The following KIAA1549L variants were observed in gnomAD, a reference collection of about 807,000 sequenced individuals.
The protein encoded by KIAA1549L is KIAA1549 like, also known as UPF0606 protein KIAA1549L.
Under a neutral mutation model 160.7 loss-of-function variants are expected in KIAA1549L, and 88 were observed. The observed-to-expected ratio is 0.55, with a 90% CI of 0.46 to 0.65. KIAA1549L has a LOEUF of 0.65. Ranked by LOEUF, KIAA1549L falls within the 30% of genes least tolerant of loss-of-function variation. The probability of loss-of-function intolerance (pLI) is 0.00; values close to 1 mark genes in which losing one functional copy is unlikely to be tolerated. For synonymous variants in KIAA1549L, 950 were observed against 976.7 expected (o/e 0.97, Z 0.51); for missense variants, 2,258 against 2,437.5 (o/e 0.93, Z 1.55).
chr11:33,632,987 G>C (rs1317714687), intron 16 of KIAA1549L, among the ~76,000 whole-genome samples: 1 of 150,452 alleles, frequency 6.6e-6, no homozygotes, highest in African/African-American at 2.5e-5. Context: ...GTTGTTGTTT[G>C]TTTTTGAGAC....
chr11:33,572,375 G>T (rs1020479306), intron 9 of KIAA1549L, among the ~76,000 whole-genome samples: 1 of 152,102 alleles, frequency 6.6e-6, no homozygotes, highest in African/African-American at 2.4e-5. Context: ...TAAAATTATA[G>T]TCAACACCCA....
intron 1 of KIAA1549L, among the ~76,000 whole-genome samples, chr11:33,382,968 GTATTAAA>G (rs1850101765): frequency 6.6e-6 from 1 of 152,138 alleles, no homozygotes; most frequent in Admixed American, 6.5e-5. Flanking sequence ...AGAAGAAAGT[GTATTAAA>G]TATTAAAAGT....
At chr11:33,444,958 C>T (rs1590249829) in intron 1 of KIAA1549L, among the ~76,000 whole-genome samples, 1 of 152,336 alleles carries the variant, frequency 6.6e-6, no homozygotes, top group South Asian at 2.1e-4. Flanking sequence ...ATGTTCCTCA[C>T]ACACTACCTG....
chr11:33,426,850 C>T (rs1435506079), intron 1 of KIAA1549L, among the ~76,000 whole-genome samples: 1 of 152,150 alleles, frequency 6.6e-6, no homozygotes, highest in Non-Finnish European at 1.5e-5. Flanking sequence ...GCCTCCAGAT[C>T]TGGCCCCTCC....
At chr11:33,603,173 C>A (rs1463715299) in intron 13 of KIAA1549L, among the ~76,000 whole-genome samples, 1 of 150,556 alleles carries the variant, frequency 6.6e-6, no homozygotes, top group Non-Finnish European at 1.5e-5. Context: ...TCACTCACAA[C>A]CAATCTTTAT....
At chr11:33,469,852 T>C (rs1362990253) in intron 1 of KIAA1549L, among the ~76,000 whole-genome samples, 1 of 152,248 alleles carries the variant, frequency 6.6e-6, no homozygotes, top group Non-Finnish European at 1.5e-5. Flanking sequence ...CTTTGGCCAT[T>C]ACAAAAATTG....
chr11:33,448,368 A>G (rs1851657903), intron 1 of KIAA1549L, among the ~76,000 whole-genome samples: 2 of 152,194 alleles, frequency 1.3e-5, no homozygotes, highest in African/African-American at 4.8e-5. Context: ...CCTTATTCTC[A>G]ATACTGTGTG....
intron 15 of KIAA1549L, among the ~76,000 whole-genome samples, chr11:33,614,761 C>T (rs545892790): frequency 6.7e-5 from 10 of 148,410 alleles, no homozygotes; most frequent in South Asian, 6.5e-4. Flanking sequence ...TACAGGCACG[C>T]GCCACCACGC....
intron 20 of KIAA1549L, among the ~76,000 whole-genome samples, chr11:33,662,714 G>A (rs1852308178): frequency 6.6e-6 from 1 of 152,208 alleles, no homozygotes; most frequent in South Asian, 2.1e-4. Context: ...ACCAACTGGA[G>A]TTGGTGAAAG....
intron 9 of KIAA1549L, among the ~76,000 whole-genome samples, chr11:33,574,470 C>T (rs1278314943): frequency 6.6e-6 from 1 of 152,224 alleles, no homozygotes; most frequent in Non-Finnish European, 1.5e-5. Context: ...TCTCCAACCA[C>T]AAACTGTTCT....
chr11:33,645,397 T>C (rs1851688710), intron 16 of KIAA1549L, among the ~76,000 whole-genome samples: 1 of 152,134 alleles, frequency 6.6e-6, no homozygotes, highest in Admixed American at 6.5e-5. Context: ...GTTAATGTCA[T>C]CGGTGAAAGC....
At chr11:33,423,062 TG>T (rs1283429153) in intron 1 of KIAA1549L, among the ~76,000 whole-genome samples, 3 of 152,362 alleles carry the variant, frequency 2.0e-5, no homozygotes, top group African/African-American at 7.2e-5. Context: ...ATTTCTTTGC[TG>T]GTTTGGCCTT....
At chr11:33,665,235 G>T (rs746816343) in intron 20 of KIAA1549L, 5 of 152,284 alleles carry the variant, frequency 3.3e-5, no homozygotes, top group Non-Finnish European at 5.9e-5. Context: ...TGAAAAGGAG[G>T]TTTATTTAGT....
intron 14 of KIAA1549L, among the ~76,000 whole-genome samples, chr11:33,607,069 A>T (rs1173904171): frequency 6.6e-6 from 1 of 152,182 alleles, no homozygotes; most frequent in African/African-American, 2.4e-5. Context: ...TGTTAAAAAA[A>T]TGTGATTATG....
In KIAA1549L at chr11:33,544,838, C is replaced by T. The variant is rs183096425; in HGVS notation, c.2845C>T (p.Pro949Ser). Residue 949 changes from proline to serine, a missense_variant, in exon 3 of 21, where the codon CCA becomes TCA. By Grantham distance (74) the Pro-to-Ser change is moderately conservative. Around this residue, in one of 6 missense-constraint regions of KIAA1549L, gnomAD observed 41 missense variants for 79.8 expected, o/e 0.51. Coordinates refer to ENST00000658780, the MANE Select transcript of KIAA1549L (RefSeq NM_012194.3). ...CACATTGTTTCTGAGGAAATCAAGT[C>T]CACCTGCACTGTCTGCAGCCCTGGT... The part of the protein sequence containing the change: ...AVTLFLRKSS[P>S]PALSAALVAK... 6.2e-7 allele frequency: 1 copy of T among 1,613,004 alleles called. No individual in the cohort carries two copies. Among genetic ancestry groups the T allele is most frequent in the Non-Finnish European group, 8.5e-7 (1 of 1,179,144 alleles).
intron 1 of KIAA1549L, among the ~76,000 whole-genome samples, chr11:33,397,128 C>T (rs941717929): frequency 2.7e-5 from 4 of 147,854 alleles, no homozygotes; most frequent in African/African-American, 1.0e-4. Context: ...GTCAGGGGTT[C>T]GACACCAGCC....
At chr11:33,616,349 A>G (rs1379380529) in intron 15 of KIAA1549L, among the ~76,000 whole-genome samples, 1 of 152,156 alleles carries the variant, frequency 6.6e-6, no homozygotes, top group Admixed American at 6.5e-5. Context: ...TAGTTTCCCT[A>G]GCAAAAGCCC....
chr11:33,543,703 T>C lies in KIAA1549L; in HGVS notation c.2140T>C (p.Ser714Pro), dbSNP rs746521767. ...ATCTCTTTCCACAGAATCAATAATATCTGGCTTGCAGCAGCAAACAAATTA... is the reference window on the plus strand; with the variant it reads ...ATCTCTTTCCACAGAATCAATAATACCTGGCTTGCAGCAGCAAACAAATTA... ...TGSLSTESII[S>P]GLQQQTNYDL... Residue 714 changes from serine (S) to proline (P), a missense_variant, in exon 2 of 21, where the codon TCT becomes CCT. This residue lies in a region of KIAA1549L where 287 missense variants were observed against 292.3 expected (regional missense o/e 0.98). Transcript: ENST00000658780. 5 of 1,613,900 alleles carry C rather than the reference T, an allele frequency of 3.1e-6. No individual in the cohort carries two copies. Among genetic ancestry groups the C allele is most frequent in the African/African-American group, 2.7e-5 (2 of 74,940 alleles).
At chr11:33,474,191 A>C (rs771047906) in intron 1 of KIAA1549L, among the ~76,000 whole-genome samples, 1 of 152,130 alleles carries the variant, frequency 6.6e-6, no homozygotes, top group Non-Finnish European at 1.5e-5. Context: ...ACCAGGCCCC[A>C]CCTCCAACAT....
Sources: gnomAD v4.1 joint callset for allele counts (sites outside exome capture counted in the v4.1 genomes callset) on GRCh38, gnomAD v4.1.1 for gene constraint, gnomAD v4.1.1 regional missense constraint, MANE v1.5 for transcripts, NCBI Gene and HGNC (gene_info 2026-07-23, HGNC 2026-07-21) for gene names.